RAB3GAP2: variants seen among roughly 807,000 people sequenced by gnomAD.
RAB3GAP2 encodes the protein RAB3 GTPase activating non-catalytic protein subunit 2.
RAB3GAP2 carries 87 observed loss-of-function variants against 185.3 expected under a neutral mutation model. The ratio of observed to expected loss-of-function variants is 0.47; its 90% CI spans 0.39 to 0.56. The LOEUF is 0.56. RAB3GAP2 is among the 20% of genes least tolerant of loss of function. RAB3GAP2 has a pLI of 0.00. For synonymous variants in RAB3GAP2, 554 were observed against 576.1 expected, an observed-to-expected ratio of 0.96 and a Z score of 0.55; for missense variants, 1,492 against 1,638.2, an observed-to-expected ratio of 0.91 and a Z score of 1.54.
At position 220,167,683 on chromosome 1, in the gene RAB3GAP2, T is replaced by C. The variant is rs777417935; in HGVS notation, c.2807-8A>G. 1 of 1,613,084 alleles carries C rather than the reference T, an allele frequency of 6.2e-7. No homozygotes were observed. Among genetic ancestry groups the C allele is most frequent in the Non-Finnish European group, 8.5e-7 (1 of 1,179,792 alleles). On this transcript the variant is annotated splice_region_variant and splice_polypyrimidine_tract_variant and intron_variant, in intron 24 of 34. Coordinates refer to ENST00000358951, the MANE Select transcript of RAB3GAP2 (RefSeq NM_012414.4). The stretch of plus-strand genomic sequence containing the variant: ...CACTGTCTGCAATGCCACCTATAGT[T>C]TGGAGACAAGAAAGAAAATAAAAAT...
intron 2 of RAB3GAP2, among the ~76,000 whole-genome samples, chr1:220,222,145 A>G (rs952931118): frequency 1.3e-5 from 2 of 152,204 alleles, no homozygotes; most frequent in African/African-American, 4.8e-5. Context: ...CAAGACACAT[A>G]GTGCTTCAGC....
At chr1:220,266,828 A>T (rs942531343) in intron 1 of RAB3GAP2, 1 of 1,597,144 alleles carries the variant, frequency 6.3e-7, no homozygotes, top group Non-Finnish European at 8.6e-7. Flanking sequence ...ATGCTTCAAC[A>T]GTCTTGAAAT....
chr1:220,153,120 A>C, intron 33 of RAB3GAP2, 65 bp downstream of exon 33: 1 of 1,261,166 alleles, frequency 7.9e-7, no homozygotes, highest in Middle Eastern at 2.3e-4. Context: ...AACTTAACTG[A>C]TTCTTTATTC....
chr1:220,190,526 G>T lies in RAB3GAP2; in HGVS notation c.1488-6C>A. On this transcript the variant is annotated splice_region_variant and splice_polypyrimidine_tract_variant and intron_variant, in intron 14 of 34. Transcript: ENST00000358951. ...TATAGCCAGGATACAGCAGCCTAAA[G>T]AAATCACATACCAATATGGTAAAAA... 1.3e-6 allele frequency: 2 copies of T among 1,585,668 alleles called. No individual in the cohort carries two copies. Among genetic ancestry groups the T allele is most frequent in the Non-Finnish European group, 1.7e-6 (2 of 1,154,182 alleles).
chr1:220,239,603 GA>G (rs1187215345), intron 1 of RAB3GAP2, among the ~76,000 whole-genome samples: 1 of 151,856 alleles, frequency 6.6e-6, no homozygotes, highest in Non-Finnish European at 1.5e-5. Context: ...TAATTAGTGA[GA>G]AAAAATAATT....
chr1:220,211,835 G>C (rs1193440654), intron 4 of RAB3GAP2, among the ~76,000 whole-genome samples: 1 of 152,148 alleles, frequency 6.6e-6, no homozygotes, highest in Non-Finnish European at 1.5e-5. Flanking sequence ...TTGCATTTCT[G>C]ACAGAGATCA....
At chr1:220,234,407 G>C (rs907635921) in intron 1 of RAB3GAP2, among the ~76,000 whole-genome samples, 2 of 151,610 alleles carry the variant, frequency 1.3e-5, no homozygotes, top group Non-Finnish European at 2.9e-5. Context: ...ATTTGTTATA[G>C]TCTAGTACTT....
chr1:220,211,770 A>G (rs1414041900), intron 4 of RAB3GAP2, among the ~76,000 whole-genome samples: 1 of 152,236 alleles, frequency 6.6e-6, no homozygotes, highest in African/African-American at 2.4e-5. Context: ...TAGGTAATCA[A>G]TGAACAAAAT....
intron 2 of RAB3GAP2, 45 bp downstream of exon 2, chr1:220,232,754 A>T: frequency 6.7e-7 from 1 of 1,488,974 alleles, no homozygotes; most frequent in Non-Finnish European, 9.4e-7. Flanking sequence ...TTACAAAAGG[A>T]AAATGCCACT....
intron 27 of RAB3GAP2, 21 bp from the exon 28 acceptor site, chr1:220,162,289 G>C: frequency 2.0e-6 from 3 of 1,512,322 alleles, no homozygotes; most frequent in Non-Finnish European, 2.8e-6. Flanking sequence ...AGTAAAAGTA[G>C]TAAATAGAAT....
At chr1:220,246,244 C>T (rs1052954247) in intron 1 of RAB3GAP2, among the ~76,000 whole-genome samples, 12 of 152,234 alleles carry the variant, frequency 7.9e-5, no homozygotes, top group East Asian at 1.9e-4. Context: ...GCAGTTAGAA[C>T]GGCAATCATT....
At chr1:220,271,644 T>C (rs1032127199) in intron 1 of RAB3GAP2, among the ~76,000 whole-genome samples, 4 of 152,110 alleles carry the variant, frequency 2.6e-5, no homozygotes, top group Non-Finnish European at 5.9e-5. Context: ...AGTCACTCAT[T>C]TGTCAGCCAT....
At chr1:220,267,629 T>C (rs1260852414) in intron 1 of RAB3GAP2, 26 of 1,415,090 alleles carry the variant, frequency 1.8e-5, no homozygotes, top group Non-Finnish European at 2.6e-5. Flanking sequence ...GCTTGCTGTT[T>C]TGGGTGTTAT....
chr1:220,235,903 C>T (rs943947278), intron 1 of RAB3GAP2, among the ~76,000 whole-genome samples: 41 of 152,166 alleles, frequency 2.7e-4, no homozygotes, highest in African/African-American at 9.9e-4. Context: ...ATTCTCAATG[C>T]CCCTGACTGG....
At position 220,170,928 on chromosome 1, in the gene RAB3GAP2, T is replaced by G. The variant is rs1386535961; in HGVS notation, c.2770A>C (p.Arg924=). 2 of 1,614,178 alleles carry G rather than the reference T, an allele frequency of 1.2e-6. No individual in the cohort carries two copies. Among genetic ancestry groups the G allele is most frequent in the Non-Finnish European group, 1.7e-6 (2 of 1,179,988 alleles). Residue 924 remains arginine, a synonymous_variant, in exon 24 of 35, where the codon AGG becomes CGG. Transcript: ENST00000358951. ...VSSLQAEPLP[R]LSVKKLLEGG... is the part of the protein sequence containing the mutation. ...TCTAATAACTTTTTAACAGAAAGCC[T>G]TGGAAGTGGCTCAGCCTGCAGTGAT...
chr1:220,230,325 A>G (rs993395545), intron 2 of RAB3GAP2, among the ~76,000 whole-genome samples: 3 of 152,250 alleles, frequency 2.0e-5, no homozygotes, highest in African/African-American at 7.2e-5. Context: ...ACATAGCAAA[A>G]GCCATGCAAT....
intron 9 of RAB3GAP2, among the ~76,000 whole-genome samples, chr1:220,201,611 T>C (rs1658860238): frequency 6.6e-6 from 1 of 152,126 alleles, no homozygotes; most frequent in African/African-American, 2.4e-5. Flanking sequence ...GCAATTCTCC[T>C]GCCTCAGCCT....
intron 10 of RAB3GAP2, chr1:220,196,037 A>G: frequency 1.7e-6 from 1 of 580,852 alleles, no homozygotes; most frequent in Non-Finnish European, 3.0e-6. Context: ...GGCTTCAGAA[A>G]CAAAGAATTT....
chr1:220,205,692 G>C (rs142021453), intron 8 of RAB3GAP2, among the ~76,000 whole-genome samples: 1 of 152,238 alleles, frequency 6.6e-6, no homozygotes, highest in Non-Finnish European at 1.5e-5. Flanking sequence ...ACTCTCCAAA[G>C]GCAACGTGTG....
Sources: allele counts gnomAD v4.1 joint callset (sites outside exome capture counted in the v4.1 genomes callset), GRCh38; gene constraint gnomAD v4.1.1; transcripts MANE v1.5; gene names NCBI Gene and HGNC (gene_info 2026-07-23, HGNC 2026-07-21).